CLEC1A: variants seen among roughly 807,000 people sequenced by gnomAD.
CLEC1A encodes the protein C-type lectin-like receptor-1.
In CLEC1A, 34 loss-of-function variants were observed where a neutral mutation model predicts 28.7. The ratio of observed to expected loss-of-function variants is 1.18; its 90% CI spans 0.90 to 1.57. The LOEUF is 1.57. CLEC1A is among the 40% of genes most tolerant of loss of function. The probability of loss-of-function intolerance (pLI) is 0.00; values close to 1 mark genes in which losing one functional copy is unlikely to be tolerated. For synonymous variants in CLEC1A, 116 were observed against 121.0 expected, an observed-to-expected ratio of 0.96 and a Z score of 0.27; for missense variants, 385 against 339.5, an observed-to-expected ratio of 1.13 and a Z score of -1.05.
intron 5 of CLEC1A, among the ~76,000 whole-genome samples, chr12:10,072,284 A>C (rs1032120171): frequency 6.6e-6 from 1 of 152,166 alleles, no homozygotes; most frequent in Non-Finnish European, 1.5e-5. Flanking sequence ...AGCCAAGCAG[A>C]TGCTTGTACA....
chr12:10,077,141 G>A (rs1866267667), intron 3 of CLEC1A, among the ~76,000 whole-genome samples: 1 of 152,114 alleles, frequency 6.6e-6, no homozygotes, highest in Non-Finnish European at 1.5e-5. Flanking sequence ...AGAGACTAAA[G>A]GACTGAGAGC....
At chr12:10,090,568 C>T (rs568498843) in intron 1 of CLEC1A, among the ~76,000 whole-genome samples, 1 of 152,114 alleles carries the variant, frequency 6.6e-6, no homozygotes, top group East Asian at 1.9e-4. Context: ...CCGGCCAATT[C>T]TAGGTAGAGA....
intron 2 of CLEC1A, among the ~76,000 whole-genome samples, chr12:10,082,684 C>T (rs1481198748): frequency 5.3e-5 from 8 of 152,104 alleles, no homozygotes; most frequent in African/African-American, 1.2e-4. Flanking sequence ...GCTTACATCC[C>T]GTGTCTACTA....
Position 10,081,283 on chromosome 12 carries a change from C to T in CLEC1A, c.345G>A (p.Gln115=). The change falls in exon 3 of 6, where the codon CAG becomes CAA. Residue 115 remains glutamine, a synonymous_variant. Transcript: ENST00000315330. ...VQNIKLAGSL[Q]HVAEKLCREL... ...CACGACAGAGTTTTTCAGCCACATG[C>T]TGCAGACTTCCTGCAAGCTTTATAT... The T allele has an allele frequency of 6.2e-7, 1 of 1,612,066 alleles. No homozygotes were observed. Among genetic ancestry groups the T allele is most frequent in the Non-Finnish European group, 8.5e-7 (1 of 1,178,994 alleles).
chr12:10,098,946 T>G lies in CLEC1A; in HGVS notation c.-24A>C. The G allele has an allele frequency of 6.4e-7, 1 of 1,570,670 alleles. No individual in the cohort carries two copies. The highest frequency in any genetic ancestry group is 8.7e-7 in the Non-Finnish European group (1 of 1,146,690). On this transcript the variant is annotated 5_prime_UTR_variant, in exon 1 of 6. Transcript: ENST00000315330. ...ATCTGGATTCCTACAGCGGTGAGAG[T>G]GAAATGTGGTCGGATTGCCCTGGGC...
intron 1 of CLEC1A, among the ~76,000 whole-genome samples, chr12:10,090,846 T>C (rs779443072): frequency 9.2e-5 from 14 of 152,138 alleles, no homozygotes; most frequent in East Asian, 1.9e-4. Flanking sequence ...AATTTTATTA[T>C]GCTACTTCCC....
At chr12:10,093,632 G>A (rs1027288384) in intron 1 of CLEC1A, among the ~76,000 whole-genome samples, 1 of 151,810 alleles carries the variant, frequency 6.6e-6, no homozygotes, top group African/African-American at 2.4e-5. Flanking sequence ...CTTAAAAGCT[G>A]GAGAAGACAC....
rs987105621 is a variant in CLEC1A at position 10,071,430 on chromosome 12, C to T, written c.746G>A (p.Cys249Tyr). 1 of 1,613,982 alleles carries T rather than the reference C, an allele frequency of 6.2e-7. No individual in the cohort carries two copies. The highest frequency in any genetic ancestry group is 8.5e-7 in the Non-Finnish European group (1 of 1,179,890). ...ILNGMIFSKD[C>Y]KELKRCVCER... ...ACAGACACAACGCTTCAATTCTTTGCAGTCCTTTGAGAAGATCATCCCATT... is the reference window on the plus strand; with the variant it reads ...ACAGACACAACGCTTCAATTCTTTGTAGTCCTTTGAGAAGATCATCCCATT... The change falls in exon 6 of 6, where the codon TGC (cysteine) becomes TAC (tyrosine). Residue 249 changes from cysteine (C) to tyrosine (Y), a missense_variant. Transcript: ENST00000315330.
Position 10,071,185 on chromosome 12 carries a change from G to C in CLEC1A, c.*148C>G. 3.0e-6 allele frequency: 2 copies of C among 676,746 alleles called. No individual in the cohort carries two copies. Among genetic ancestry groups the C allele is most frequent in the South Asian group, 5.2e-5 (2 of 38,612 alleles). 41.9% of individuals were successfully genotyped at this position (676,746 alleles called of 1,614,324 possible). A position where few individuals can be genotyped will look rare whatever the true frequency, so the allele number is the denominator to read the frequency against. On this transcript the variant is annotated 3_prime_UTR_variant, in exon 6 of 6. Coordinates refer to ENST00000315330, the MANE Select transcript of CLEC1A (RefSeq NM_016511.4). ...CATAAACCCAAGCTCAGAAATGCTG[G>C]TGATCCTGAACAGGAAACACGAGAA...
intron 5 of CLEC1A, 82 bp from the exon 6 acceptor site, chr12:10,071,595 T>G: frequency 8.6e-7 from 1 of 1,167,744 alleles, no homozygotes; most frequent in Non-Finnish European, 1.2e-6. Context: ...TCTAGAGTTA[T>G]AAAATTATAG....
chr12:10,089,196 G>A lies in CLEC1A; in HGVS notation c.142C>T (p.Arg48Ter), dbSNP rs187876478. ...TEHRAPSSTW[R>*]PVALTLLTLC... is the part of the protein sequence containing the mutation. The stretch of plus-strand genomic sequence containing the variant: ...GTCAGCAGGGTCAGGGCCACTGGTC[G>A]CCACGTTGAAGAGGGAGCCCTGTGC... Residue 48 changes from arginine (R) to a stop codon, truncating the protein, a stop_gained, in exon 2 of 6, where the codon CGA becomes TGA. Coordinates refer to ENST00000315330, the MANE Select transcript of CLEC1A (RefSeq NM_016511.4). LOFTEE classifies it high-confidence loss of function. 4 of 1,613,962 alleles carry A rather than the reference G, an allele frequency of 2.5e-6. No individual in the cohort carries two copies. Among genetic ancestry groups the A allele is most frequent in the Admixed American group, 3.3e-5 (2 of 60,022 alleles).
chr12:10,098,728 T>A (rs1387597336), intron 1 of CLEC1A, 80 bp downstream of exon 1: 1 of 825,264 alleles, frequency 1.2e-6, no homozygotes, highest in East Asian at 2.7e-5. Context: ...AAGCTAAATA[T>A]CTCCATTTCT....
chr12:10,071,513 C>A lies in CLEC1A; in HGVS notation c.663G>T (p.Leu221=), dbSNP rs751589821. ...WMDGTPFTSE[L]FHIIIDVTSP... Reference sequence around the variant, plus strand: ...TGGTGACATCTATTATAATATGGAACCTTAAGAAAGGAAGAAAAAGTAAAT... The same window carrying A: ...TGGTGACATCTATTATAATATGGAAACTTAAGAAAGGAAGAAAAAGTAAAT... The change falls in exon 6 of 6, where the codon CTG becomes CTT. Residue 221 remains leucine, a splice_region_variant and synonymous_variant. Coordinates refer to ENST00000315330, the MANE Select transcript of CLEC1A (RefSeq NM_016511.4). 1.3e-6 allele frequency: 2 copies of A among 1,576,050 alleles called. No individual in the cohort carries two copies. The highest frequency in any genetic ancestry group is 2.3e-5 in the East Asian group (1 of 44,122).
At chr12:10,082,143 G>A (rs1866386121) in intron 2 of CLEC1A, among the ~76,000 whole-genome samples, 1 of 152,180 alleles carries the variant, frequency 6.6e-6, no homozygotes, top group African/African-American at 2.4e-5. Flanking sequence ...AACTGGATAT[G>A]AATTTTCTTA....
chr12:10,076,660 C>T (rs1272669132), intron 3 of CLEC1A, among the ~76,000 whole-genome samples: 4 of 152,082 alleles, frequency 2.6e-5, no homozygotes, highest in Non-Finnish European at 5.9e-5. Flanking sequence ...CGTTCTAAAA[C>T]ACAGAACAAG....
chr12:10,094,281 CT>C (rs979353382), intron 1 of CLEC1A, among the ~76,000 whole-genome samples: 10 of 151,982 alleles, frequency 6.6e-5, no homozygotes, highest in African/African-American at 2.4e-4. Flanking sequence ...CAAACACCCC[CT>C]ATAAGGTAGA....
intron 3 of CLEC1A, among the ~76,000 whole-genome samples, chr12:10,080,717 T>C (rs1025355142): frequency 2.0e-5 from 3 of 152,198 alleles, no homozygotes; most frequent in African/African-American, 7.2e-5. Context: ...AGTAATTTTA[T>C]CAACGGTGGT....
chr12:10,087,131 G>A (rs2137358395), intron 2 of CLEC1A, among the ~76,000 whole-genome samples: 1 of 150,464 alleles, frequency 6.6e-6, no homozygotes, highest in South Asian at 2.1e-4. Flanking sequence ...CTTGAACCCG[G>A]GAGGCGAAGG....
chr12:10,093,120 A>G (rs1166764205), intron 1 of CLEC1A, among the ~76,000 whole-genome samples: 2 of 151,976 alleles, frequency 1.3e-5, no homozygotes, highest in Non-Finnish European at 2.9e-5. Context: ...TGTGAGTCTA[A>G]TGTTTCTCAG....
Sources: allele counts gnomAD v4.1 joint callset (sites outside exome capture counted in the v4.1 genomes callset), GRCh38; gene constraint gnomAD v4.1.1; transcripts MANE v1.5; gene names NCBI Gene and HGNC (gene_info 2026-07-23, HGNC 2026-07-21).